Variants in ITCH observed in about 807,000 individuals in gnomAD.
ITCH encodes the protein E3 ubiquitin-protein ligase Itchy homolog.
ITCH carries 28 observed loss-of-function variants against 126.8 expected under a neutral mutation model. The observed-to-expected ratio is 0.22, with a 90% CI of 0.16 to 0.30. The LOEUF is 0.30. Ranked by LOEUF, ITCH falls within the 10% of genes least tolerant of loss-of-function variation. ITCH has a pLI of 1.00. For missense variants in ITCH, 631 were observed against 1,032.4 expected (o/e 0.61, Z 5.33); for synonymous variants, 342 against 340.0 (o/e 1.01, Z -0.06).
At chr20:34,488,785 C>CGATT (rs1436628277) in intron 20 of ITCH, among the ~76,000 whole-genome samples, 2 of 152,150 alleles carry the variant, frequency 1.3e-5, no homozygotes, top group Admixed American at 1.3e-4. Context: ...CGCTTGTAAT[C>CGATT]GTAGCACTTT....
intron 3 of ITCH, among the ~76,000 whole-genome samples, chr20:34,399,645 G>A (rs1226445368): frequency 1.3e-5 from 2 of 152,032 alleles, no homozygotes; most frequent in Non-Finnish European, 2.9e-5. Context: ...GTTCAGGATA[G>A]CCTGGCCAAC....
chr20:34,504,021 C>T (rs1028383570), intron 23 of ITCH, among the ~76,000 whole-genome samples: 1 of 151,932 alleles, frequency 6.6e-6, no homozygotes, highest in South Asian at 2.1e-4. Flanking sequence ...GCTGGGATTA[C>T]AGGCATACGC....
rs61157752 is a variant in ITCH at position 34,375,340 on chromosome 20, C to CT, written c.-22+5888dup. ...ACAGGCGTGAGCCACCGCACCTGGC[C>CT]TTTTTTTTTTTTTTTTTTAATGGAG... is the stretch of plus-strand genomic sequence containing the variant. On this transcript the variant is annotated intron_variant, in intron 2 of 24. Transcript: ENST00000374864. Among the ~76,000 whole-genome samples, 1,130 of 128,118 alleles carry CT rather than the reference C, an allele frequency of 8.8e-3. 9 individuals are homozygous for CT. The highest frequency in any genetic ancestry group is 0.018 in the African/African-American group (634 of 34,570). 84.1% of individuals were successfully genotyped at this position (128,118 alleles called of 152,430 possible).
intron 23 of ITCH, among the ~76,000 whole-genome samples, chr20:34,494,809 G>A (rs1989746276): frequency 6.6e-6 from 1 of 151,716 alleles, no homozygotes; most frequent in Admixed American, 6.6e-5. Flanking sequence ...AAATTTAGAA[G>A]TTAGCTGAGC....
At chr20:34,463,431 A>AGTTAGGGTTAGG (rs762033501) in intron 14 of ITCH, among the ~76,000 whole-genome samples, 2 of 152,172 alleles carry the variant, frequency 1.3e-5, no homozygotes, top group African/African-American at 2.4e-5. Flanking sequence ...TGTACCCAAA[A>AGTTAGGGTTAGG]GTTAGGGTTA....
intron 2 of ITCH, among the ~76,000 whole-genome samples, chr20:34,372,699 C>T (rs2037686886): frequency 6.6e-6 from 1 of 151,926 alleles, no homozygotes; most frequent in East Asian, 1.9e-4. Flanking sequence ...CTACTTTAAA[C>T]ATTGGCACTG....
intron 6 of ITCH, among the ~76,000 whole-genome samples, chr20:34,417,455 A>G (rs1224100213): frequency 7.1e-6 from 1 of 140,016 alleles, no homozygotes; most frequent in African/African-American, 2.7e-5. Flanking sequence ...GCTGGAGTGC[A>G]ATGGCACGAT....
At chr20:34,453,651 T>C (rs1221615659) in intron 12 of ITCH, among the ~76,000 whole-genome samples, 1 of 152,088 alleles carries the variant, frequency 6.6e-6, no homozygotes, top group Non-Finnish European at 1.5e-5. Context: ...ATACTTAGGG[T>C]ATTATTTTTA....
At chr20:34,490,891 A>T (rs571457330) in intron 22 of ITCH, among the ~76,000 whole-genome samples, 4 of 152,238 alleles carry the variant, frequency 2.6e-5, no homozygotes, top group Non-Finnish European at 4.4e-5. Flanking sequence ...ACCAGTATTC[A>T]TCATTCATTT....
intron 6 of ITCH, among the ~76,000 whole-genome samples, chr20:34,416,520 G>A (rs963893776): frequency 3.9e-5 from 6 of 152,118 alleles, no homozygotes; most frequent in African/African-American, 1.4e-4. Flanking sequence ...TGGACCTTTG[G>A]GGGGAAAAAT....
chr20:34,454,688 A>G (rs532495888), intron 12 of ITCH: 54 of 152,216 alleles, frequency 3.5e-4, no homozygotes, highest in African/African-American at 1.2e-3. Flanking sequence ...TCATGGAATT[A>G]TATTGGAAAT....
At chr20:34,377,150 G>A (rs902110892) in intron 2 of ITCH, among the ~76,000 whole-genome samples, 6 of 152,124 alleles carry the variant, frequency 3.9e-5, no homozygotes, top group African/African-American at 1.4e-4. Flanking sequence ...GAGGTGGGCG[G>A]ATCACTTGAG....
At chr20:34,398,101 C>T (rs977553784) in intron 3 of ITCH, among the ~76,000 whole-genome samples, 2 of 151,730 alleles carry the variant, frequency 1.3e-5, no homozygotes, top group African/African-American at 2.4e-5. Context: ...CTCACCCTGT[C>T]GTCCAGGCTG....
At chr20:34,398,678 G>T (rs541958093) in intron 3 of ITCH, among the ~76,000 whole-genome samples, 1 of 152,060 alleles carries the variant, frequency 6.6e-6, no homozygotes, top group Admixed American at 6.6e-5. Context: ...GGATTACAGC[G>T]TGAGCCACCG....
intron 4 of ITCH, among the ~76,000 whole-genome samples, chr20:34,410,625 G>T (rs1248842832): frequency 6.6e-6 from 1 of 152,138 alleles, no homozygotes; most frequent in Non-Finnish European, 1.5e-5. Context: ...GGAGGATAAG[G>T]TGCTTTAGCC....
chr20:34,387,790 C>T (rs1204519935), intron 2 of ITCH, among the ~76,000 whole-genome samples: 3 of 151,856 alleles, frequency 2.0e-5, no homozygotes, highest in African/African-American at 4.8e-5. Context: ...CTGTAACCTC[C>T]GCCTCCTGGG....
At chr20:34,484,952 A>G (rs1989005021) in intron 20 of ITCH, among the ~76,000 whole-genome samples, 1 of 152,194 alleles carries the variant, frequency 6.6e-6, no homozygotes, top group Admixed American at 6.5e-5. Context: ...CCCTTCTCCC[A>G]GCCCCAGAGG....
At chr20:34,369,371 A>G (rs752003354) in intron 1 of ITCH, 23 bp from the exon 2 acceptor site, 10 of 398,896 alleles carry the variant, frequency 2.5e-5, no homozygotes, top group South Asian at 1.3e-4. Context: ...TAATGTGTTA[A>G]TGGACTCTCC....
chr20:34,501,066 C>G (rs1330370090), intron 23 of ITCH, among the ~76,000 whole-genome samples: 1 of 152,188 alleles, frequency 6.6e-6, no homozygotes, highest in Admixed American at 6.5e-5. Context: ...AATATTATCT[C>G]ATTCTCTCCT....
Sources: gnomAD v4.1 joint callset for allele counts (sites outside exome capture counted in the v4.1 genomes callset) on GRCh38, gnomAD v4.1.1 for gene constraint, MANE v1.5 for transcripts, NCBI Gene and HGNC (gene_info 2026-07-23, HGNC 2026-07-21) for gene names.